Variants in RYR2 observed in about 807,000 individuals in gnomAD.
RYR2 encodes ryanodine receptor 2, also known as cardiac muscle ryanodine receptor-calcium release channel.
RYR2 carries 227 observed loss-of-function variants against 601.1 expected under a neutral mutation model. The observed-to-expected ratio is 0.38, with a 90% CI of 0.34 to 0.42. The LOEUF is 0.42. Ranked by LOEUF, RYR2 falls within the 10% of genes least tolerant of loss-of-function variation. RYR2 has a pLI of 1.00. For synonymous variants in RYR2, 2,223 were observed against 2,175.1 expected (o/e 1.02, Z -0.61); for missense variants, 4,646 against 6,156.5 (o/e 0.75, Z 8.21).
In RYR2 at chr1:237,417,110, A is replaced by G. The variant is rs1705083057; in HGVS notation, c.835A>G (p.Thr279Ala). 1 of 1,613,410 alleles carries G rather than the reference A, an allele frequency of 6.2e-7. No homozygotes were observed. Among genetic ancestry groups the G allele is most frequent in the Non-Finnish European group, 8.5e-7 (1 of 1,179,462 alleles). ...TGCACGTTCCCTTTGGAGACTAGAGACGCTAAGAGTTGCGTAAGTAGAACT... is the reference window on the plus strand; with the variant it reads ...TGCACGTTCCCTTTGGAGACTAGAGGCGCTAAGAGTTGCGTAAGTAGAACT... The part of the protein sequence containing the change: ...VHARSLWRLE[T>A]LRVAWSGSHI... Residue 279 changes from threonine to alanine, a missense_variant, in exon 11 of 105, where the codon ACG becomes GCG. Thr to Ala is a moderately conservative substitution (Grantham distance 58, BLOSUM62 0). Coordinates refer to ENST00000366574, the MANE Select transcript of RYR2 (RefSeq NM_001035.3).
chr1:237,188,078 T>C (rs1431218172), intron 1 of RYR2, among the ~76,000 whole-genome samples: 1 of 152,208 alleles, frequency 6.6e-6, no homozygotes, highest in East Asian at 1.9e-4. Flanking sequence ...CTTGAGCAGC[T>C]AGTTTGAAAA....
intron 11 of RYR2, among the ~76,000 whole-genome samples, chr1:237,421,197 C>A (rs1705534272): frequency 6.6e-6 from 1 of 152,156 alleles, no homozygotes; most frequent in Non-Finnish European, 1.5e-5. Context: ...CAAGATCGCG[C>A]CACTGTACTC....
intron 1 of RYR2, among the ~76,000 whole-genome samples, chr1:237,261,314 C>T (rs1688494628): frequency 6.6e-6 from 1 of 152,154 alleles, no homozygotes; most frequent in South Asian, 2.1e-4. Flanking sequence ...AGTACATGAC[C>T]CAGTGGCTGC....
intron 73 of RYR2, 53 bp downstream of exon 73, chr1:237,718,574 C>T (rs1001847171): frequency 2.2e-5 from 20 of 906,290 alleles, no homozygotes; most frequent in Non-Finnish European, 1.8e-6. Flanking sequence ...ATTAGTTAAT[C>T]TCTCTTTAAA....
chr1:237,756,194 G>A (rs1692938129), intron 80 of RYR2, 94 bp from the exon 81 acceptor site: 1 of 752,118 alleles, frequency 1.3e-6, no homozygotes, highest in African/African-American at 1.7e-5. Context: ...TTGTCATAGA[G>A]CCCATACATG....
At chr1:237,331,819 A>G (rs1696777206) in intron 3 of RYR2, among the ~76,000 whole-genome samples, 1 of 151,858 alleles carries the variant, frequency 6.6e-6, no homozygotes, top group South Asian at 2.1e-4. Flanking sequence ...CAGCCCTGAA[A>G]TTGTTATGTG....
At chr1:237,621,408 A>T (rs373450380) in intron 38 of RYR2, among the ~76,000 whole-genome samples, 1 of 152,190 alleles carries the variant, frequency 6.6e-6, no homozygotes, top group Non-Finnish European at 1.5e-5. Context: ...ACTAATGTAG[A>T]TAATAACAGA....
intron 16 of RYR2, among the ~76,000 whole-genome samples, chr1:237,461,880 G>A (rs1015927449): frequency 2.0e-5 from 3 of 151,732 alleles, no homozygotes; most frequent in Admixed American, 1.3e-4. Flanking sequence ...TTTTCTTTTT[G>A]TGTTATAGTG....
chr1:237,561,917 G>A (rs1376416304), intron 27 of RYR2, among the ~76,000 whole-genome samples: 1 of 152,058 alleles, frequency 6.6e-6, no homozygotes, highest in Non-Finnish European at 1.5e-5. Context: ...TAGATGTTGA[G>A]AGATTTTATA....
At chr1:237,722,552 G>C (rs914521667) in intron 73 of RYR2, among the ~76,000 whole-genome samples, 1 of 151,520 alleles carries the variant, frequency 6.6e-6, no homozygotes, top group African/African-American at 2.4e-5. Context: ...TCCTGCCTCA[G>C]CCTCCCGAGT....
In RYR2 at chr1:237,783,982, T is replaced by G; in HGVS notation, c.12270T>G (p.Pro4090=). The stretch of plus-strand genomic sequence containing the variant: ...AGTTCGTCAAACGCTTCCACGAACC[T>G]GCGAAGGACATCGGCTTCAACGTCG... ...YEEFVKRFHE[P]AKDIGFNVAV... The change falls in exon 90 of 105, where the codon CCT becomes CCG. Residue 4090 remains proline (P), a synonymous_variant. Transcript: ENST00000366574. 6.2e-7 allele frequency: 1 copy of G among 1,613,826 alleles called. No individual in the cohort carries two copies. The highest frequency in any genetic ancestry group is 8.5e-7 in the Non-Finnish European group (1 of 1,179,802).
chr1:237,101,962 T>C (rs1668151317), intron 1 of RYR2, among the ~76,000 whole-genome samples: 1 of 152,212 alleles, frequency 6.6e-6, no homozygotes, highest in Non-Finnish European at 1.5e-5. Flanking sequence ...GAGTTAATAA[T>C]GTGGCATCAA....
chr1:237,624,710 C>T (rs1679456763), intron 39 of RYR2, among the ~76,000 whole-genome samples: 1 of 152,056 alleles, frequency 6.6e-6, no homozygotes, highest in Non-Finnish European at 1.5e-5. Context: ...ATTCTAAGAA[C>T]TTTAAAAATG....
At chr1:237,709,973 C>G (rs753805490) in intron 70 of RYR2, among the ~76,000 whole-genome samples, 6 of 152,132 alleles carry the variant, frequency 3.9e-5, no homozygotes, top group Non-Finnish European at 8.8e-5. Flanking sequence ...TTTGTTTTAT[C>G]TTCACACACT....
At chr1:237,581,554 G>A (rs1673918421) in intron 29 of RYR2, among the ~76,000 whole-genome samples, 1 of 152,130 alleles carries the variant, frequency 6.6e-6, no homozygotes. Context: ...AAAGAAGCCA[G>A]GATATAGAAC....
intron 29 of RYR2, among the ~76,000 whole-genome samples, chr1:237,577,440 A>G (rs1673349663): frequency 1.3e-5 from 2 of 152,064 alleles, no homozygotes; most frequent in Admixed American, 6.6e-5. Flanking sequence ...AACCTGGATT[A>G]TCTGGGAAGC....
Position 237,511,850 on chromosome 1 carries a change from A to AG in RYR2, c.2822+59_2822+60insG, listed in dbSNP as rs57409517. The AG allele has an allele frequency of 0.13, 113,394 of 878,936 alleles. 8,328 individuals carry two copies. Among genetic ancestry groups the AG allele is most frequent in the African/African-American group, 0.36 (19,839 of 54,578 alleles). 54.4% of individuals were successfully genotyped at this position (878,936 alleles called of 1,614,324 possible). Reference sequence around the variant, plus strand: ...GCCTTCCCTGAAAAAAAAAAAAAAAAAAAAAAAAACAGGTATTGATGCTAT... The same window carrying AG: ...GCCTTCCCTGAAAAAAAAAAAAAAAAGAAAAAAAAACAGGTATTGATGCTAT... On this transcript the variant is annotated intron_variant, in intron 24 of 104. Coordinates refer to ENST00000366574, the MANE Select transcript of RYR2 (RefSeq NM_001035.3).
At chr1:237,223,081 A>G (rs1306566169) in intron 1 of RYR2, among the ~76,000 whole-genome samples, 1 of 152,200 alleles carries the variant, frequency 6.6e-6, no homozygotes, top group Non-Finnish European at 1.5e-5. Context: ...AAACAAAACA[A>G]AACAACAACA....
At chr1:237,159,861 C>T (rs1304034993) in intron 1 of RYR2, among the ~76,000 whole-genome samples, 1 of 152,158 alleles carries the variant, frequency 6.6e-6, no homozygotes, top group East Asian at 1.9e-4. Flanking sequence ...TCCACAAAAT[C>T]AGCTTCATTT....
Sources: gnomAD v4.1 joint callset for allele counts (sites outside exome capture counted in the v4.1 genomes callset) on GRCh38, gnomAD v4.1.1 for gene constraint, MANE v1.5 for transcripts, NCBI Gene and HGNC (gene_info 2026-07-23, HGNC 2026-07-21) for gene names.